Variants in CHST11 observed in about 807,000 individuals in gnomAD.
CHST11 encodes the protein C4S-1.
CHST11 carries 9 observed loss-of-function variants against 30.4 expected under a neutral mutation model. The ratio of observed to expected loss-of-function variants is 0.30; its 90% CI spans 0.18 to 0.52. The LOEUF is 0.52. CHST11 is among the 20% of genes least tolerant of loss of function. The pLI is 0.97. For synonymous variants in CHST11, 152 were observed against 187.8 expected (o/e 0.81, Z 1.56); for missense variants, 348 against 460.6 (o/e 0.76, Z 2.24).
intron 1 of CHST11, among the ~76,000 whole-genome samples, chr12:104,491,740 G>C (rs2037749158): frequency 6.6e-6 from 1 of 152,108 alleles, no homozygotes; most frequent in South Asian, 2.1e-4. Context: ...TCCTCCCAAA[G>C]TGTTGGAATT....
At chr12:104,573,374 G>A (rs2038649297) in intron 1 of CHST11, among the ~76,000 whole-genome samples, 1 of 151,972 alleles carries the variant, frequency 6.6e-6, no homozygotes, top group African/African-American at 2.4e-5. Context: ...AAGTTCATAT[G>A]GAACCAAAAA....
intron 1 of CHST11, among the ~76,000 whole-genome samples, chr12:104,571,750 A>G (rs1163125952): frequency 6.6e-6 from 1 of 152,116 alleles, no homozygotes; most frequent in Non-Finnish European, 1.5e-5. Context: ...TAGAAAAAGG[A>G]GCTATTAGGA....
At position 104,631,935 on chromosome 12, in the gene CHST11, G is replaced by A. The variant is rs571392549; in HGVS notation, c.204+29944G>A. Among the ~76,000 whole-genome samples, 11 of 152,226 alleles carry A rather than the reference G, an allele frequency of 7.2e-5. No individual in the cohort carries two copies. The South Asian group carries it at 2.3e-3, about 32-fold the overall frequency. On this transcript the variant is annotated intron_variant, in intron 2 of 2. Coordinates refer to ENST00000303694, the MANE Select transcript of CHST11 (RefSeq NM_018413.6). ...TCCCTTGCATGTGAACTCATGTCTT[G>A]TACTCCGCTCTGATGAACCTGACTT... is the stretch of plus-strand genomic sequence containing the variant.
intron 2 of CHST11, among the ~76,000 whole-genome samples, chr12:104,707,341 C>T (rs959769107): frequency 4.6e-5 from 7 of 152,104 alleles, no homozygotes; most frequent in African/African-American, 9.7e-5. Context: ...TCATGTCCCA[C>T]GAATGGGCTG....
At chr12:104,634,962 G>T (rs2039310120) in intron 2 of CHST11, among the ~76,000 whole-genome samples, 1 of 152,098 alleles carries the variant, frequency 6.6e-6, no homozygotes, top group East Asian at 1.9e-4. Context: ...GGGAGGGAGG[G>T]ATTGGGGCCA....
intron 2 of CHST11, among the ~76,000 whole-genome samples, chr12:104,705,421 C>T (rs922149405): frequency 7.9e-5 from 12 of 152,156 alleles, no homozygotes; most frequent in African/African-American, 2.9e-4. Context: ...CAGCACATCC[C>T]AGGCGCCTGG....
chr12:104,497,359 G>A (rs2037808384), intron 1 of CHST11, among the ~76,000 whole-genome samples: 1 of 152,212 alleles, frequency 6.6e-6, no homozygotes, highest in Non-Finnish European at 1.5e-5. Flanking sequence ...CCTCATGGGA[G>A]GACACGGCAA....
At chr12:104,571,169 T>TTA (rs2136023783) in intron 1 of CHST11, among the ~76,000 whole-genome samples, 1 of 151,376 alleles carries the variant, frequency 6.6e-6, no homozygotes, top group Non-Finnish European at 1.5e-5. Context: ...AGACAATTTT[T>TTA]TTTTTTTTTT....
chr12:104,523,317 C>G (rs1349475773), intron 1 of CHST11, among the ~76,000 whole-genome samples: 1 of 152,140 alleles, frequency 6.6e-6, no homozygotes, highest in African/African-American at 2.4e-5. Flanking sequence ...CTGGAGGACC[C>G]ACATGCTTTG....
intron 2 of CHST11, among the ~76,000 whole-genome samples, chr12:104,657,253 A>G (rs1371478389): frequency 1.3e-5 from 2 of 152,258 alleles, no homozygotes; most frequent in East Asian, 3.8e-4. Context: ...CGAAACAAAA[A>G]GAGTAAACCT....
rs1207467521 is a variant in CHST11, at chr12:104,684,276, A to ATGGG, written c.205-72670_205-72669insGTGG. ...AAAATGTGGATGGATGGATGGATGG[A>ATGGG]TGGATGGATGGATGGATGGATGGAT... On this transcript the variant is annotated intron_variant, in intron 2 of 2. Transcript: ENST00000303694. 2.6e-5 allele frequency among the ~76,000 whole-genome samples: 4 copies of ATGGG among 151,926 alleles called. No homozygotes were observed. In the South Asian group the frequency reaches 8.3e-4, roughly 32 times the overall value.
chr12:104,460,174 T>A (rs768421097), intron 1 of CHST11, among the ~76,000 whole-genome samples: 2 of 152,234 alleles, frequency 1.3e-5, no homozygotes, highest in Non-Finnish European at 2.9e-5. Context: ...AGCCTGGCTC[T>A]GCAGTTTCTG....
intron 1 of CHST11, among the ~76,000 whole-genome samples, chr12:104,576,634 C>T (rs913541946): frequency 6.6e-6 from 1 of 152,192 alleles, no homozygotes; most frequent in African/African-American, 2.4e-5. Context: ...GCTGCAGTCT[C>T]TGGTCATTTC....
At chr12:104,532,124 C>G (rs908302872) in intron 1 of CHST11, among the ~76,000 whole-genome samples, 34 of 152,216 alleles carry the variant, frequency 2.2e-4, no homozygotes, top group African/African-American at 8.0e-4. Flanking sequence ...CCCTCACACC[C>G]TGGCTTCCAG....
intron 2 of CHST11, among the ~76,000 whole-genome samples, chr12:104,605,004 A>C (rs564629451): frequency 2.0e-5 from 3 of 151,498 alleles, no homozygotes; most frequent in Non-Finnish European, 4.4e-5. Context: ...AACTTCATAT[A>C]ACTTATCCAA....
chr12:104,574,601 T>C (rs1224146141), intron 1 of CHST11, among the ~76,000 whole-genome samples: 1 of 151,398 alleles, frequency 6.6e-6, no homozygotes, highest in Non-Finnish European at 1.5e-5. Flanking sequence ...CAGCAAACTA[T>C]CGCAAGGACA....
intron 2 of CHST11, among the ~76,000 whole-genome samples, chr12:104,625,007 G>A (rs895554304): frequency 5.3e-5 from 8 of 152,110 alleles, no homozygotes; most frequent in Non-Finnish European, 7.3e-5. Flanking sequence ...CTCTTCAAAG[G>A]CCTCATCTCC....
At chr12:104,517,162 C>T (rs1342362623) in intron 1 of CHST11, among the ~76,000 whole-genome samples, 2 of 152,166 alleles carry the variant, frequency 1.3e-5, no homozygotes, top group Non-Finnish European at 2.9e-5. Context: ...TTGATCTCTG[C>T]AGCCTTTTTT....
At chr12:104,554,483 C>T (rs960273615) in intron 1 of CHST11, among the ~76,000 whole-genome samples, 4 of 152,184 alleles carry the variant, frequency 2.6e-5, no homozygotes, top group African/African-American at 9.7e-5. Context: ...ATTACTGCTC[C>T]TGGTGATGAT....
Sources: gnomAD v4.1 joint callset for allele counts (sites outside exome capture counted in the v4.1 genomes callset) on GRCh38, gnomAD v4.1.1 for gene constraint, MANE v1.5 for transcripts, NCBI Gene and HGNC (gene_info 2026-07-23, HGNC 2026-07-21) for gene names.